Variants in NBEA observed in about 807,000 individuals in gnomAD.
The protein encoded by NBEA is neurobeachin.
A neutral mutation model predicts 343.4 loss-of-function variants in NBEA; 44 were observed. The observed-to-expected ratio is 0.13, with a 90% confidence interval of 0.10 to 0.16. The LOEUF (loss-of-function observed/expected upper bound fraction) is 0.16. Among genes scored for constraint, NBEA ranks in the 10% least tolerant of loss-of-function variants. NBEA has a pLI of 1.00. For synonymous variants in NBEA, 1,175 were observed against 1,238.7 expected (o/e 0.95, Z 1.08); for missense variants, 2,555 against 3,631.3 (o/e 0.70, Z 7.62).
chr13:34,947,651 C>T (rs1205233609), intron 1 of NBEA, among the ~76,000 whole-genome samples: 2 of 152,260 alleles, frequency 1.3e-5, no homozygotes, highest in Non-Finnish European at 2.9e-5. Flanking sequence ...CTGTGAACTC[C>T]ATGAGGGCAG....
chr13:35,583,209 A>G (rs1238411949), intron 45 of NBEA, among the ~76,000 whole-genome samples: 1 of 152,194 alleles, frequency 6.6e-6, no homozygotes, highest in Non-Finnish European at 1.5e-5. Context: ...TGATGCAATT[A>G]AGCACATGCT....
intron 34 of NBEA, among the ~76,000 whole-genome samples, chr13:35,246,413 G>C (rs918163026): frequency 6.6e-6 from 1 of 152,146 alleles, no homozygotes; most frequent in Non-Finnish European, 1.5e-5. Context: ...ATTTGGGTAG[G>C]CTTTGTCAGA....
intron 47 of NBEA, among the ~76,000 whole-genome samples, chr13:35,599,489 G>C (rs1566387141): frequency 1.3e-5 from 2 of 152,182 alleles, no homozygotes; most frequent in Admixed American, 6.6e-5. Flanking sequence ...GAGATGGCTG[G>C]AACAGCCAGG....
intron 33 of NBEA, among the ~76,000 whole-genome samples, chr13:35,215,406 A>G (rs1239373274): frequency 6.6e-6 from 1 of 151,532 alleles, no homozygotes; most frequent in Non-Finnish European, 1.5e-5. Context: ...ATGATATTAT[A>G]TTAGATTTTT....
chr13:35,327,736 C>T (rs2038664470), intron 36 of NBEA, among the ~76,000 whole-genome samples: 1 of 151,762 alleles, frequency 6.6e-6, no homozygotes, highest in South Asian at 2.1e-4. Context: ...ATGCAATATA[C>T]CCAGGTAACG....
intron 34 of NBEA, 142 bp downstream of exon 34, chr13:35,232,761 G>A: frequency 1.5e-6 from 1 of 658,506 alleles, no homozygotes; most frequent in Non-Finnish European, 2.3e-6. Context: ...TATTCAATAT[G>A]TTTTCTCTTC....
At chr13:35,657,631 A>G (rs561553791) in intron 55 of NBEA, among the ~76,000 whole-genome samples, 4 of 152,346 alleles carry the variant, frequency 2.6e-5, no homozygotes, top group African/African-American at 9.6e-5. Context: ...ATCTAAATAT[A>G]TGTTCACATA....
intron 41 of NBEA, among the ~76,000 whole-genome samples, chr13:35,514,198 C>A (rs781075908): frequency 6.6e-6 from 1 of 151,786 alleles, no homozygotes; most frequent in African/African-American, 2.4e-5. Flanking sequence ...GAGTTTATAG[C>A]GGACAAAATG....
intron 22 of NBEA, 139 bp from the exon 23 acceptor site, chr13:35,161,611 A>G (rs2069566273): frequency 1.3e-6 from 1 of 754,138 alleles, no homozygotes; most frequent in South Asian, 2.1e-5. Context: ...CAGGTGAATA[A>G]TATATGTGAA....
chr13:35,238,983 A>C (rs903169572), intron 34 of NBEA, among the ~76,000 whole-genome samples: 1 of 152,154 alleles, frequency 6.6e-6, no homozygotes, highest in Non-Finnish European at 1.5e-5. Context: ...TTATAGGCAC[A>C]TAATCAGAAA....
chr13:35,077,763 C>G (rs1485817216), intron 10 of NBEA, among the ~76,000 whole-genome samples: 1 of 152,114 alleles, frequency 6.6e-6, no homozygotes, highest in African/African-American at 2.4e-5. Flanking sequence ...TGCCTCAGAA[C>G]AAAGTCATTA....
chr13:35,193,953 TATG>T (rs2072393917), intron 30 of NBEA, among the ~76,000 whole-genome samples: 1 of 152,094 alleles, frequency 6.6e-6, no homozygotes, highest in East Asian at 1.9e-4. Context: ...TATTGAATAA[TATG>T]AGGATGTTAT....
intron 38 of NBEA, among the ~76,000 whole-genome samples, chr13:35,391,388 A>T (rs1397092030): frequency 6.6e-6 from 1 of 152,060 alleles, no homozygotes; most frequent in African/African-American, 2.4e-5. Context: ...CTTGAGTTTC[A>T]TGTTGTACAC....
chr13:35,403,640 A>G (rs1054588332), intron 38 of NBEA, among the ~76,000 whole-genome samples: 1 of 152,082 alleles, frequency 6.6e-6, no homozygotes, highest in African/African-American at 2.4e-5. Context: ...TAGACCTAAA[A>G]CCATAAAGTC....
At chr13:34,994,555 G>C in intron 1 of NBEA, among the ~76,000 whole-genome samples, 1 of 151,920 alleles carries the variant, frequency 6.6e-6, no homozygotes, top group East Asian at 1.9e-4. Flanking sequence ...TACTTTTAAT[G>C]GTTATTTTTC....
At chr13:35,068,532 C>A (rs989221707) in intron 8 of NBEA, among the ~76,000 whole-genome samples, 1 of 152,004 alleles carries the variant, frequency 6.6e-6, no homozygotes, top group African/African-American at 2.4e-5. Flanking sequence ...ATGCTGAGTT[C>A]TTAAGCATTC....
chr13:35,538,121 C>A (rs866195637), intron 41 of NBEA, among the ~76,000 whole-genome samples: 30 of 152,128 alleles, frequency 2.0e-4, no homozygotes, highest in Non-Finnish European at 2.5e-4. Flanking sequence ...GGTGGAGTAT[C>A]CCTTGTCGCA....
chr13:35,608,741 T>C (rs1423632254), intron 48 of NBEA, among the ~76,000 whole-genome samples: 3 of 152,224 alleles, frequency 2.0e-5, no homozygotes, highest in African/African-American at 7.2e-5. Context: ...AATGCTTTTG[T>C]TGATCATGCT....
chr13:35,660,206 C>T (rs961803033), intron 55 of NBEA, among the ~76,000 whole-genome samples: 5 of 152,156 alleles, frequency 3.3e-5, no homozygotes, highest in East Asian at 3.9e-4. Flanking sequence ...GGCAAGTTAA[C>T]ATTGTTGTCT....
Sources: allele counts gnomAD v4.1 joint callset (sites outside exome capture counted in the v4.1 genomes callset), GRCh38; gene constraint gnomAD v4.1.1; transcripts MANE v1.5; gene names NCBI Gene and HGNC (gene_info 2026-07-23, HGNC 2026-07-21).